Variants in PKD2L2 observed in about 807,000 individuals in gnomAD.
PKD2L2 encodes the protein polycystin 2 like 2, transient receptor potential cation channel, also known as polycystin-2-like protein 2.
PKD2L2 carries 67 observed loss-of-function variants against 83.9 expected under a neutral mutation model. The ratio of observed to expected loss-of-function variants is 0.80; its 90% confidence interval spans 0.66 to 0.98. PKD2L2 has a LOEUF of 0.98. Among genes scored for constraint, PKD2L2 ranks in the 50% least tolerant of loss-of-function variants. The pLI is 0.00. For synonymous variants in PKD2L2, 223 were observed against 237.8 expected (o/e 0.94, Z 0.57); for missense variants, 632 against 717.2 (o/e 0.88, Z 1.36).
chr5:137,898,625 G>A (rs374494523), intron 4 of PKD2L2, among the ~76,000 whole-genome samples: 4 of 152,012 alleles, frequency 2.6e-5, no homozygotes, highest in African/African-American at 7.3e-5. Context: ...CACCATCATC[G>A]ACACTGCAGC....
chr5:137,917,590 GTTA>G (rs1267499838), intron 8 of PKD2L2, among the ~76,000 whole-genome samples: 22 of 151,734 alleles, frequency 1.4e-4, no homozygotes, highest in Admixed American at 1.4e-3. Flanking sequence ...TCTCATTTTG[GTTA>G]TTATTTTTCC....
intron 5 of PKD2L2, among the ~76,000 whole-genome samples, chr5:137,902,069 A>G (rs1757005688): frequency 6.6e-6 from 1 of 152,124 alleles, no homozygotes; most frequent in Admixed American, 6.6e-5. Flanking sequence ...GCTAATGGAC[A>G]CCACACCAGA....
At chr5:137,890,427 T>A in intron 1 of PKD2L2, 54 bp from the exon 2 acceptor site, 1 of 912,882 alleles carries the variant, frequency 1.1e-6, no homozygotes. Flanking sequence ...TCCATTGTTG[T>A]CACTTATAAA....
intron 8 of PKD2L2, among the ~76,000 whole-genome samples, chr5:137,916,285 C>T (rs892819197): frequency 6.6e-6 from 1 of 151,956 alleles, no homozygotes; most frequent in African/African-American, 2.4e-5. Flanking sequence ...AAGCAATTCT[C>T]CTGCCTCAGT....
intron 8 of PKD2L2, among the ~76,000 whole-genome samples, chr5:137,915,236 G>C (rs893772803): frequency 1.3e-5 from 2 of 151,836 alleles, no homozygotes; most frequent in Non-Finnish European, 2.9e-5. Context: ...TCTGACTTTG[G>C]TTTCAGGGTA....
At chr5:137,936,619 C>A (rs1467423414) in intron 14 of PKD2L2, among the ~76,000 whole-genome samples, 192 bp downstream of exon 14, 1 of 152,194 alleles carries the variant, frequency 6.6e-6, no homozygotes, top group African/African-American at 2.4e-5. Context: ...CCGTGCCCAG[C>A]TAATTTTTTG....
intron 10 of PKD2L2, among the ~76,000 whole-genome samples, 197 bp downstream of exon 10, chr5:137,923,718 T>C (rs1307062014): frequency 6.6e-6 from 1 of 152,230 alleles, no homozygotes; most frequent in Non-Finnish European, 1.5e-5. Context: ...AAGTGAGATA[T>C]GCTCTCTGAC....
intron 1 of PKD2L2, among the ~76,000 whole-genome samples, 178 bp downstream of exon 1, chr5:137,889,700 A>T (rs1010103969): frequency 6.6e-5 from 10 of 152,314 alleles, no homozygotes; most frequent in Admixed American, 5.9e-4. Context: ...ACAGACGGGA[A>T]AACTGAAGCC....
intron 4 of PKD2L2, among the ~76,000 whole-genome samples, chr5:137,897,038 ATTATTATTATTAT>A (rs1756539502): frequency 2.5e-5 from 1 of 39,468 alleles, no homozygotes; most frequent in Non-Finnish European, 5.1e-5. Flanking sequence ...TTATTATATT[ATTATTATTATTAT>A]TATTATTATT....
chr5:137,903,945 G>C (rs1044614147), intron 5 of PKD2L2, among the ~76,000 whole-genome samples: 3 of 152,050 alleles, frequency 2.0e-5, no homozygotes, highest in Admixed American at 2.0e-4. Flanking sequence ...TAGTAGAGAC[G>C]GGGTTTCGCC....
intron 12 of PKD2L2, among the ~76,000 whole-genome samples, chr5:137,932,653 G>A (rs1169342607): frequency 2.6e-5 from 4 of 152,170 alleles, no homozygotes; most frequent in Non-Finnish European, 4.4e-5. Context: ...GTCCTGTGAT[G>A]AGAAGGTACC....
intron 8 of PKD2L2, among the ~76,000 whole-genome samples, 187 bp from the exon 9 acceptor site, chr5:137,921,449 A>C (rs1758896785): frequency 6.6e-6 from 1 of 152,054 alleles, no homozygotes; most frequent in Admixed American, 6.6e-5. Context: ...CTATCGAGGT[A>C]CCTTAAGTCT....
In PKD2L2 at chr5:137,891,686, T is replaced by A. The variant is rs191498339; in HGVS notation, c.134-794T>A. 4.0e-5 allele frequency among the ~76,000 whole-genome samples: 6 copies of A among 151,114 alleles called. No homozygotes were observed. The East Asian group carries it at 1.2e-3, about 29-fold the overall frequency. ...GCAACCTGAATCTCCATTTATAATG[T>A]GATTTTTTTTCTTTTTTTTTTCTTT... On this transcript the variant is annotated intron_variant, in intron 2 of 14. Transcript: ENST00000508883.
At chr5:137,890,274 T>TC in intron 1 of PKD2L2, 3 of 412,952 alleles carry the variant, frequency 7.3e-6, no homozygotes, top group Non-Finnish European at 1.3e-5. Flanking sequence ...AGAGCTAGAC[T>TC]CCGTCTCAAA....
At chr5:137,915,938 G>C (rs1758288073) in intron 8 of PKD2L2, among the ~76,000 whole-genome samples, 1 of 151,872 alleles carries the variant, frequency 6.6e-6, no homozygotes, top group Non-Finnish European at 1.5e-5. Context: ...ACTTCTTGTA[G>C]GATAGATCTA....
At position 137,899,542 on chromosome 5, in the gene PKD2L2, A is replaced by T. The variant is rs775071828; in HGVS notation, c.551A>T (p.Asn184Ile). Residue 184 changes from asparagine to isoleucine, a missense_variant, in exon 5 of 15, where the codon AAC becomes ATC. This residue lies in a region of PKD2L2 where 229 missense variants were observed against 281.5 expected (regional missense o/e 0.81). Coordinates refer to ENST00000508883, the MANE Select transcript of PKD2L2 (RefSeq NM_001300921.2). The part of the protein sequence containing the change: ...TEWRYSTSNT[N>I]SPWHWGFLGV... ...TGGAGATATTCTACTTCTAATACCA[A>T]CTCCCCTTGGCACTGGGGATTTCTT... is the stretch of plus-strand genomic sequence containing the variant. The T allele has an allele frequency of 6.2e-7, 1 of 1,609,580 alleles. No homozygotes were observed. The highest frequency in any genetic ancestry group is 8.5e-7 in the Non-Finnish European group (1 of 1,176,296).
At chr5:137,921,601 AG>A (rs1280905408) in intron 8 of PKD2L2, 34 bp from the exon 9 acceptor site, 1 of 1,357,306 alleles carries the variant, frequency 7.4e-7, no homozygotes. Flanking sequence ...ATGTACATAA[AG>A]GTATATATTT....
chr5:137,919,645 A>ATT (rs1240969903), intron 8 of PKD2L2, among the ~76,000 whole-genome samples: 20 of 152,004 alleles, frequency 1.3e-4, no homozygotes, highest in Non-Finnish European at 1.2e-4. Flanking sequence ...CCAATTCAGT[A>ATT]TTTTCTCTAT....
At chr5:137,936,459 T>TC in intron 14 of PKD2L2, 32 bp downstream of exon 14, 1 of 1,509,028 alleles carries the variant, frequency 6.6e-7, no homozygotes, top group Non-Finnish European at 8.9e-7. Flanking sequence ...ATTGAGCATT[T>TC]CTTTTTTTTT....
Sources: allele counts gnomAD v4.1 joint callset (sites outside exome capture counted in the v4.1 genomes callset), GRCh38; gene constraint gnomAD v4.1.1; regional missense constraint gnomAD v4.1.1; transcripts MANE v1.5; gene names NCBI Gene and HGNC (gene_info 2026-07-23, HGNC 2026-07-21).